Variants in BNIP2 observed in about 807,000 individuals in gnomAD.
BNIP2 encodes the protein BCL2/adenovirus E1B 19 kDa protein-interacting protein 2.
A neutral mutation model predicts 43.4 loss-of-function variants in BNIP2; 36 were observed. The observed-to-expected ratio is 0.83, with a 90% confidence interval of 0.64 to 1.10. BNIP2 has a LOEUF of 1.10. Among genes scored for constraint, BNIP2 ranks in the 50% least tolerant of loss-of-function variants. The pLI is 0.00. For synonymous variants in BNIP2, 146 were observed against 121.0 expected (o/e 1.21, Z -1.35); for missense variants, 417 against 374.1 (o/e 1.11, Z -0.95).
intron 2 of BNIP2, among the ~76,000 whole-genome samples, chr15:59,681,932 T>C (rs998497423): frequency 2.6e-5 from 4 of 152,180 alleles, no homozygotes; most frequent in African/African-American, 9.7e-5. Flanking sequence ...TAGAAGATTA[T>C]ATATATACTT....
At chr15:59,672,396 C>T (rs1354997156) in intron 6 of BNIP2, 7 of 314,312 alleles carry the variant, frequency 2.2e-5, no homozygotes, top group Non-Finnish European at 3.0e-5. Context: ...ACCTCAGCCT[C>T]CTGAGTAGGT....
rs1298290792 is a variant in BNIP2, at chr15:59,678,000, C to T, written c.383G>A (p.Arg128Gln). The T allele has an allele frequency of 1.9e-6, 3 of 1,613,970 alleles. No individual in the cohort carries two copies. Among genetic ancestry groups the T allele is most frequent in the Non-Finnish European group, 1.7e-6 (2 of 1,179,874 alleles). The change falls in exon 5 of 10, where the codon CGA becomes CAA. Residue 128 changes from arginine (R) to glutamine (Q), a missense_variant. Physicochemically the swap from Arg to Gln is conservative, Grantham distance 43. Transcript: ENST00000607373. ...TCCAATCCTGAACATACGCCAGCGT[C>T]GTCCATCTTCTTTTTCCTCTGCTGC... ...YTAAEEKEDGRRWRMFRIGEQ... is the reference protein window; with the variant it reads ...YTAAEEKEDGQRWRMFRIGEQ...
At chr15:59,671,365 A>G in intron 6 of BNIP2, 51 bp from the exon 7 acceptor site, 1 of 1,483,414 alleles carries the variant, frequency 6.7e-7, no homozygotes, top group Non-Finnish European at 9.1e-7. Flanking sequence ...TGCATAACTG[A>G]ACTAGGTTCT....
At chr15:59,685,132 A>G (rs990726933) in intron 1 of BNIP2, among the ~76,000 whole-genome samples, 1 of 152,256 alleles carries the variant, frequency 6.6e-6, no homozygotes, top group Non-Finnish European at 1.5e-5. Flanking sequence ...GGAAAGGTTT[A>G]TCTTGGGAAA....
chr15:59,679,462 G>A (rs1304679825), intron 4 of BNIP2, 130 bp downstream of exon 4: 3 of 1,084,878 alleles, frequency 2.8e-6, no homozygotes, highest in Non-Finnish European at 3.8e-6. Context: ...AAGTCCTTGA[G>A]AATATTCAAG....
chr15:59,671,903 C>CT (rs1854705448), intron 6 of BNIP2, among the ~76,000 whole-genome samples: 1 of 152,146 alleles, frequency 6.6e-6, no homozygotes, highest in Non-Finnish European at 1.5e-5. Flanking sequence ...TAGTGAGACT[C>CT]TGTCTCTACC....
chr15:59,688,666 A>C, intron 1 of BNIP2: 12 of 1,507,960 alleles, frequency 8.0e-6, no homozygotes, highest in Non-Finnish European at 9.8e-6. Flanking sequence ...GTACTAGGGA[A>C]GATCTATTAA....
chr15:59,674,374 G>A (rs1893134926), intron 5 of BNIP2, among the ~76,000 whole-genome samples: 1 of 152,120 alleles, frequency 6.6e-6, no homozygotes, highest in East Asian at 1.9e-4. Context: ...AAAATAAGGT[G>A]GTCTTATTTT....
chr15:59,683,039 T>A (rs1893791565), intron 1 of BNIP2, among the ~76,000 whole-genome samples: 2 of 152,264 alleles, frequency 1.3e-5, no homozygotes, highest in African/African-American at 4.8e-5. Flanking sequence ...AAGAAGTCTA[T>A]TCAATAACTT....
Position 59,664,027 on chromosome 15 carries a change from C to A in BNIP2, c.*42G>T. ...TATGAATGCAGAAACAGCACTGCTC[C>A]ATCAGCACATTCTTCAGTCTTGTTT... On this transcript the variant is annotated 3_prime_UTR_variant, in exon 10 of 10. Transcript: ENST00000607373. 2 of 1,445,106 alleles carry A rather than the reference C, an allele frequency of 1.4e-6. No homozygotes were observed. The highest frequency in any genetic ancestry group is 1.9e-6 in the Non-Finnish European group (2 of 1,066,364). The allele number at this position is 1,445,106 out of a possible 1,614,324, so 89.5% of individuals were successfully genotyped here.
Position 59,668,935 on chromosome 15 carries a change from G to C in BNIP2, c.850C>G (p.Leu284Val), listed in dbSNP as rs373331890. Residue 284 changes from leucine to valine, a missense_variant, in exon 9 of 10, where the codon CTT (leucine) becomes GTT (valine). Leu to Val is a conservative substitution (Grantham distance 32). Coordinates refer to ENST00000607373, the MANE Select transcript of BNIP2 (RefSeq NM_004330.4). ...ATGCCAACGTATTCCATGGGGACAA[G>C]TTCTGCTAGTTCTGCCAAATTAAAC... The part of the protein sequence containing the change: ...YVFNLAELAE[L>V]VPMEYVGIPE... The C allele has an allele frequency of 1.2e-6, 2 of 1,613,704 alleles. No homozygotes were observed. Among genetic ancestry groups the C allele is most frequent in the South Asian group, 2.2e-5 (2 of 91,034 alleles).
intron 5 of BNIP2, chr15:59,677,679 G>A (rs1893392891): frequency 1.7e-6 from 2 of 1,187,588 alleles, no homozygotes; most frequent in Non-Finnish European, 2.2e-6. Context: ...GACATCAGAT[G>A]TCTTGAGAAA....
At chr15:59,680,874 G>A (rs1249240419) in intron 2 of BNIP2, among the ~76,000 whole-genome samples, 1 of 152,190 alleles carries the variant, frequency 6.6e-6, no homozygotes, top group Non-Finnish European at 1.5e-5. Flanking sequence ...TAGGATTATA[G>A]GCGTGACGTG....
rs1303062025 is a variant in BNIP2 at position 59,678,016 on chromosome 15, C to G, written c.367G>C (p.Glu123Gln). Residue 123 changes from glutamate to glutamine, a missense_variant, in exon 5 of 10, where the codon GAA (glutamate) becomes CAA (glutamine). Transcript: ENST00000607373. ...CGCCAGCGTCGTCCATCTTCTTTTT[C>G]CTCTGCTGCTGTGTATTCAGTAATT... ...GSITEYTAAE[E>Q]KEDGRRWRMF... is the part of the protein sequence containing the mutation. 6.2e-7 allele frequency: 1 copy of G among 1,613,960 alleles called. No homozygotes were observed. Among genetic ancestry groups the G allele is most frequent in the South Asian group, 1.1e-5 (1 of 91,078 alleles).
rs1892395519 is a variant in BNIP2 at position 59,663,701 on chromosome 15, A to G, written c.*368T>C. The G allele has an allele frequency of 6.3e-6, 1 of 159,198 alleles. No homozygotes were observed. The highest frequency in any genetic ancestry group is 2.0e-4 in the South Asian group (1 of 4,938). 9.9% of individuals were successfully genotyped at this position (159,198 alleles called of 1,614,324 possible). On this transcript the variant is annotated 3_prime_UTR_variant, in exon 10 of 10. Transcript: ENST00000607373. ...GGTACACATTAAAAAATATTGCTCA[A>G]TGACATAAAAATATATATTATTTCT...
chr15:59,680,222 G>C lies in BNIP2; in HGVS notation c.118+19C>G, dbSNP rs199776931. Reference sequence around the variant, plus strand: ...CACAAAGTCCATAATTTCAATGAAAGTAAGTGTCAAGCTCTTACCAGGCTG... The same window carrying C: ...CACAAAGTCCATAATTTCAATGAAACTAAGTGTCAAGCTCTTACCAGGCTG... On this transcript the variant is annotated intron_variant, in intron 3 of 9. Transcript: ENST00000607373. The C allele has an allele frequency of 7.3e-6, 11 of 1,502,374 alleles. No individual in the cohort carries two copies. The highest frequency in any genetic ancestry group is 9.9e-6 in the Non-Finnish European group (11 of 1,113,708). 93.1% of individuals were successfully genotyped at this position (1,502,374 alleles called of 1,614,324 possible). A position where few individuals can be genotyped will look rare whatever the true frequency, so the allele number is the denominator to read the frequency against.
intron 5 of BNIP2, among the ~76,000 whole-genome samples, chr15:59,675,656 G>A (rs143828006): frequency 6.6e-6 from 1 of 152,160 alleles, no homozygotes; most frequent in East Asian, 1.9e-4. Context: ...ATCCATAAAT[G>A]ACTTCTACAA....
chr15:59,671,097 A>C (rs1892874967), intron 7 of BNIP2, 86 bp downstream of exon 7: 1 of 1,314,672 alleles, frequency 7.6e-7, no homozygotes, highest in South Asian at 1.6e-5. Context: ...GTTAAAAAAA[A>C]AAAATAGCAA....
chr15:59,660,989 C>G lies in BNIP2; in HGVS notation c.*3080G>C, dbSNP rs1892230276. 6.6e-6 allele frequency: 1 copy of G among 152,138 alleles called. No individual in the cohort carries two copies. The highest frequency in any genetic ancestry group is 2.4e-5 in the African/African-American group (1 of 41,422). 9.4% of individuals were successfully genotyped at this position (152,138 alleles called of 1,614,324 possible). Reference sequence around the variant, plus strand: ...CCTTGCGTATAGCCTGCAGGTTTTCCTGCTGCATACAAGAAATGTTACCAT... The same window carrying G: ...CCTTGCGTATAGCCTGCAGGTTTTCGTGCTGCATACAAGAAATGTTACCAT... On this transcript the variant is annotated 3_prime_UTR_variant, in exon 10 of 10. Transcript: ENST00000607373.
Sources: gnomAD v4.1 joint callset for allele counts (sites outside exome capture counted in the v4.1 genomes callset) on GRCh38, gnomAD v4.1.1 for gene constraint, MANE v1.5 for transcripts, NCBI Gene and HGNC (gene_info 2026-07-23, HGNC 2026-07-21) for gene names.